CCDC27: variants seen among roughly 807,000 people sequenced by gnomAD.
CCDC27 encodes the protein coiled-coil domain containing 27.
In CCDC27, 80 loss-of-function variants were observed where a neutral mutation model predicts 80.3. That is an observed-to-expected ratio of 1.00 (90% CI 0.83 to 1.20). The LOEUF (loss-of-function observed/expected upper bound fraction) is 1.20, where lower values mean the gene tolerates loss of function less well. Among genes scored for constraint, CCDC27 ranks in the 50% most tolerant of loss-of-function variants. The pLI is 0.00. For missense variants in CCDC27, 815 were observed against 809.4 expected, an observed-to-expected ratio of 1.01 and a Z score of -0.08; for synonymous variants, 342 against 334.3, an observed-to-expected ratio of 1.02 and a Z score of -0.25.
intron 4 of CCDC27, among the ~76,000 whole-genome samples, chr1:3,757,864 G>A (rs1243047896): frequency 6.6e-6 from 1 of 151,018 alleles, no homozygotes; most frequent in Non-Finnish European, 1.5e-5. Flanking sequence ...GGAGCTTGCA[G>A]TGTGCTGAGA....
rs553568371 is a variant in CCDC27, at chr1:3,763,082, C to T, written c.955-26C>T. The T allele has an allele frequency of 2.1e-6, 3 of 1,460,252 alleles. No homozygotes were observed. The South Asian group carries it at 4.4e-5, about 21-fold the overall frequency. The allele number at this position is 1,460,252 out of a possible 1,614,324, so 90.5% of individuals were successfully genotyped here. On this transcript the variant is annotated intron_variant, in intron 6 of 11. Transcript: ENST00000294600. This position sits in a 1 kb window ranked among gnomAD's most constrained non-coding sequence, Gnocchi z 7.5. ...CCTGGGGGTGCCCCGCAGCCCTGCC[C>T]AGCCCCTGCCCTACCCATCTTACAG... is the stretch of plus-strand genomic sequence containing the variant.
At position 3,752,492 on chromosome 1, in the gene CCDC27, C is replaced by A; in HGVS notation, c.11C>A (p.Ala4Asp). The A allele has an allele frequency of 6.2e-7, 1 of 1,613,742 alleles. No individual in the cohort carries two copies. The highest frequency in any genetic ancestry group is 8.5e-7 in the Non-Finnish European group (1 of 1,179,820). Residue 4 changes from alanine to aspartate, a missense_variant, in exon 1 of 12, where the codon GCC (alanine) becomes GAC (aspartate). Transcript: ENST00000294600. Reference protein sequence around the residue: MFEAIFPSTPQARL... With the variant: MFEDIFPSTPQARL... Reference sequence around the variant, plus strand: ...CCAGCCAGCAGGTTCATGTTCGAGGCCATCTTCCCCTCCACACCCCAAGCC... The same window carrying A: ...CCAGCCAGCAGGTTCATGTTCGAGGACATCTTCCCCTCCACACCCCAAGCC...
chr1:3,761,479 T>C lies in CCDC27; in HGVS notation c.861+49T>C. 1.3e-6 allele frequency: 2 copies of C among 1,588,534 alleles called. No homozygotes were observed. The highest frequency in any genetic ancestry group is 1.7e-6 in the Non-Finnish European group (2 of 1,167,274). On this transcript the variant is annotated intron_variant, in intron 5 of 11. Transcript: ENST00000294600. The surrounding 1 kb of genome is among the most constrained non-coding windows in gnomAD (Gnocchi z 5.0). ...AGCGCAGAGCTCTAAGACGGTTGTT[T>C]TCAAAGCGTCCAAAGCTGCTAGTGA... is the stretch of plus-strand genomic sequence containing the variant.
Position 3,767,453 on chromosome 1 carries a change from C to G in CCDC27, c.1743+8C>G. ...GAGAGCTCCCAGTCCAGGGTATGCC[C>G]AGCCCTTCCTCCTGAGGGTCTGTCC... is the stretch of plus-strand genomic sequence containing the variant. On this transcript the variant is annotated splice_region_variant and intron_variant, in intron 10 of 11. Coordinates refer to ENST00000294600, the MANE Select transcript of CCDC27 (RefSeq NM_152492.3). The G allele has an allele frequency of 6.2e-7, 1 of 1,604,138 alleles. No homozygotes were observed. The highest frequency in any genetic ancestry group is 8.5e-7 in the Non-Finnish European group (1 of 1,174,874).
chr1:3,770,884 G>C (rs1259953104), intron 11 of CCDC27, among the ~76,000 whole-genome samples: 2 of 152,188 alleles, frequency 1.3e-5, no homozygotes, highest in Non-Finnish European at 2.9e-5. Flanking sequence ...AGTAGCCAGG[G>C]AAGAGCACCT....
chr1:3,767,414 C>A lies in CCDC27; in HGVS notation c.1712C>A (p.Thr571Asn). The A allele has an allele frequency of 1.2e-6, 2 of 1,613,336 alleles. No individual in the cohort carries two copies. The highest frequency in any genetic ancestry group is 2.2e-5 in the South Asian group (2 of 91,060). The change falls in exon 10 of 12, where the codon ACC becomes AAC. Residue 571 changes from threonine to asparagine, a missense_variant. Coordinates refer to ENST00000294600, the MANE Select transcript of CCDC27 (RefSeq NM_152492.3). ...ATGATTCAGCAGGCAGAGCAGCACA[C>A]CCGCGTGGCCCTGGAGAGCTCCCAG... ...KEMIQQAEQH[T>N]RVALESSQSR...
chr1:3,756,890 G>C lies in CCDC27; in HGVS notation c.711G>C (p.Lys237Asn). The change falls in exon 4 of 12, where the codon AAG (lysine) becomes AAC (asparagine). Residue 237 changes from lysine to asparagine, a missense_variant and splice_region_variant. Physicochemically the swap from Lys to Asn is moderately conservative, Grantham distance 94. Transcript: ENST00000294600. The stretch of plus-strand genomic sequence containing the variant: ...GGTACCTCTCAGTCATCCACGAGAA[G>C]GTACTGGCGGAGGGGGTGCAAATCC... Reference protein sequence around the residue: ...MPWYLSVIHEKDHCLSELEIQ... With the variant: ...MPWYLSVIHENDHCLSELEIQ... 1 of 1,610,580 alleles carries C rather than the reference G, an allele frequency of 6.2e-7. No individual in the cohort carries two copies. Among genetic ancestry groups the C allele is most frequent in the Non-Finnish European group, 8.5e-7 (1 of 1,178,428 alleles).
intron 4 of CCDC27, chr1:3,757,180 G>A (rs975912237): frequency 1.2e-5 from 3 of 244,768 alleles, no homozygotes; most frequent in African/African-American, 6.6e-5. Flanking sequence ...CTGCTTCAGA[G>A]AATGTATTCT....
At position 3,752,541 on chromosome 1, in the gene CCDC27, A is replaced by G. The variant is rs201898908; in HGVS notation, c.60A>G (p.Glu20=). The G allele has an allele frequency of 5.7e-5, 92 of 1,614,022 alleles. No homozygotes were observed. Among genetic ancestry groups the G allele is most frequent in the Non-Finnish European group, 7.5e-5 (88 of 1,180,050 alleles). Residue 20 remains glutamate (E), a synonymous_variant, in exon 1 of 12, where the codon GAA becomes GAG. Transcript: ENST00000294600. ...CCAGGCTGAAGAGAGATCCACGGGA[A>G]AAGCCGGGCCTGTCCTCATTCAGGT... ...PQARLKRDPR[E]KPGLSSFRST... is the part of the protein sequence containing the mutation.
chr1:3,767,483 A>G, intron 10 of CCDC27, 38 bp downstream of exon 10: 1 of 1,561,482 alleles, frequency 6.4e-7, no homozygotes, highest in Non-Finnish European at 8.7e-7. Context: ...CTGTCCCAGC[A>G]GCTGGCGGCC....
intron 9 of CCDC27, among the ~76,000 whole-genome samples, chr1:3,767,024 A>G (rs532269035): frequency 1.8e-4 from 27 of 152,086 alleles, no homozygotes; most frequent in African/African-American, 5.5e-4. Flanking sequence ...TATTTTTAGT[A>G]GAGACAGGGT....
chr1:3,754,077 A>C (rs1557618973), intron 1 of CCDC27, 41 bp from the exon 2 acceptor site: 1 of 1,605,048 alleles, frequency 6.2e-7, no homozygotes, highest in East Asian at 2.3e-5. Context: ...GCCTACAGTC[A>C]GGGGCCTTCC....
Position 3,757,970 on chromosome 1 carries a change from G to T in CCDC27, c.711+1080G>T, listed in dbSNP as rs192378866. Among the ~76,000 whole-genome samples the T allele has an allele frequency of 4.5e-3, 687 of 151,878 alleles. 14 individuals are homozygous for T. Among genetic ancestry groups the T allele is most frequent in the Non-Finnish European group, 9.6e-4 (65 of 67,992 alleles). On this transcript the variant is annotated intron_variant, in intron 4 of 11. Coordinates refer to ENST00000294600, the MANE Select transcript of CCDC27 (RefSeq NM_152492.3). Reference sequence around the variant, plus strand: ...GGGTTTCCCCATGTTGCCCAGGCAGGTCTCGAACTCCTGGGCTCAAGTGAT... The same window carrying T: ...GGGTTTCCCCATGTTGCCCAGGCAGTTCTCGAACTCCTGGGCTCAAGTGAT...
Position 3,766,701 on chromosome 1 carries a change from C to T in CCDC27, c.1530+89C>T, listed in dbSNP as rs1231763347. ...AGCAAAGGGCAAGACGGGGCTGGAG[C>T]GTCTTCACAGCTGAGCCAGGACCCC... On this transcript the variant is annotated intron_variant, in intron 9 of 11. Transcript: ENST00000294600. The surrounding 1 kb of genome is among the most constrained non-coding windows in gnomAD (Gnocchi z 6.1). The T allele has an allele frequency of 5.6e-6, 6 of 1,073,456 alleles. No individual in the cohort carries two copies. The highest frequency in any genetic ancestry group is 4.0e-5 in the Admixed American group (2 of 49,730). 66.5% of individuals were successfully genotyped at this position (1,073,456 alleles called of 1,614,324 possible).
chr1:3,754,668 GA>G (rs1356402652), intron 2 of CCDC27, among the ~76,000 whole-genome samples: 1 of 152,166 alleles, frequency 6.6e-6, no homozygotes, highest in East Asian at 1.9e-4. Flanking sequence ...ATGAGAACAG[GA>G]GGCTTGGAGC....
chr1:3,755,885 C>T, intron 3 of CCDC27: 1 of 302,558 alleles, frequency 3.3e-6, no homozygotes, highest in Admixed American at 4.1e-5. Flanking sequence ...CCCCGGGACA[C>T]TGCTCCCGCA....
chr1:3,769,866 T>C lies in CCDC27; in HGVS notation c.1827T>C (p.Asn609=). The change falls in exon 11 of 12, where the codon AAT becomes AAC. Residue 609 remains asparagine (N), a synonymous_variant. Coordinates refer to ENST00000294600, the MANE Select transcript of CCDC27 (RefSeq NM_152492.3). The surrounding 1 kb of genome is among the most constrained non-coding windows in gnomAD (Gnocchi z 4.6). ...TKSLANEISD[N]DILEALQRII... is the part of the protein sequence containing the mutation. ...CCTTGGCCAACGAGATCTCTGACAA[T>C]GACATCCTGGAAGCCCTGCAGGTAT... is the stretch of plus-strand genomic sequence containing the variant. The C allele has an allele frequency of 6.2e-7, 1 of 1,613,748 alleles. No homozygotes were observed. Among genetic ancestry groups the C allele is most frequent in the African/African-American group, 1.3e-5 (1 of 74,958 alleles).
Position 3,763,987 on chromosome 1 carries a change from G to C in CCDC27, c.1452+151G>C. On this transcript the variant is annotated intron_variant, in intron 8 of 11. Transcript: ENST00000294600. This position sits in a 1 kb window ranked among gnomAD's most constrained non-coding sequence, Gnocchi z 7.5. ...CCAGGCAGCTGGCCCAGGGTTGTGC[G>C]GCTGATAGCGGCCCCGCTAGGATTC... 7.6e-7 allele frequency: 1 copy of C among 1,307,642 alleles called. No homozygotes were observed. Among genetic ancestry groups the C allele is most frequent in the Non-Finnish European group, 1.0e-6 (1 of 976,780 alleles). The allele number at this position is 1,307,642 out of a possible 1,614,324, so 81.0% of individuals were successfully genotyped here. A position where few individuals can be genotyped will look rare whatever the true frequency, so the allele number is the denominator to read the frequency against.
chr1:3,756,866 G>C lies in CCDC27; in HGVS notation c.687G>C (p.Trp229Cys). 1 of 1,613,304 alleles carries C rather than the reference G, an allele frequency of 6.2e-7. No homozygotes were observed. Among genetic ancestry groups the C allele is most frequent in the South Asian group, 1.1e-5 (1 of 91,022 alleles). Residue 229 changes from tryptophan to cysteine, a missense_variant, in exon 4 of 12, where the codon TGG (tryptophan) becomes TGC (cysteine). Coordinates refer to ENST00000294600, the MANE Select transcript of CCDC27 (RefSeq NM_152492.3). Reference protein sequence around the residue: ...SQSCLRKRMPWYLSVIHEKDH... With the variant: ...SQSCLRKRMPCYLSVIHEKDH... ...GCTGCCTGAGAAAGAGGATGCCCTG[G>C]TACCTCTCAGTCATCCACGAGAAGG...
Sources: allele counts gnomAD v4.1 joint callset (sites outside exome capture counted in the v4.1 genomes callset), GRCh38; gene constraint gnomAD v4.1.1; non-coding constraint Gnocchi (gnomAD v3.1); transcripts MANE v1.5; gene names NCBI Gene and HGNC (gene_info 2026-07-23, HGNC 2026-07-21).